DGKB: variants seen among roughly 807,000 people sequenced by gnomAD.
DGKB encodes the protein 90 kDa diacylglycerol kinase.
A neutral mutation model predicts 114.3 loss-of-function variants in DGKB; 67 were observed. The ratio of observed to expected loss-of-function variants is 0.59; its 90% CI spans 0.48 to 0.72. DGKB has a LOEUF of 0.72. DGKB is among the 30% of genes least tolerant of loss of function. The probability of loss-of-function intolerance (pLI) is 0.00; values close to 1 mark genes in which losing one functional copy is unlikely to be tolerated. For missense variants in DGKB, 907 were observed against 975.2 expected, an observed-to-expected ratio of 0.93 and a Z score of 0.93; for synonymous variants, 398 against 323.1, an observed-to-expected ratio of 1.23 and a Z score of -2.49.
chr7:14,383,644 G>T (rs751764935), intron 21 of DGKB, among the ~76,000 whole-genome samples: 6 of 152,156 alleles, frequency 3.9e-5, no homozygotes, highest in South Asian at 2.1e-4. Flanking sequence ...GTAGAATGAA[G>T]AAACTAAGGA....
chr7:14,656,836 T>A (rs1815928186), intron 13 of DGKB, among the ~76,000 whole-genome samples: 1 of 151,518 alleles, frequency 6.6e-6, no homozygotes, highest in Admixed American at 6.6e-5. Flanking sequence ...AGTATACAAC[T>A]CTACCTTATG....
chr7:14,641,823 A>T (rs1811861848), intron 13 of DGKB, among the ~76,000 whole-genome samples: 1 of 152,034 alleles, frequency 6.6e-6, no homozygotes, highest in African/African-American at 2.4e-5. Flanking sequence ...CGTTTTTAAG[A>T]TTTTATAATG....
At chr7:14,366,226 A>G (rs1161155681) in intron 21 of DGKB, among the ~76,000 whole-genome samples, 2 of 152,182 alleles carry the variant, frequency 1.3e-5, no homozygotes, top group African/African-American at 4.8e-5. Context: ...GTGTTTTCAT[A>G]TATCCACATG....
intron 20 of DGKB, among the ~76,000 whole-genome samples, chr7:14,498,626 G>T (rs1032357060): frequency 2.0e-5 from 3 of 151,612 alleles, no homozygotes; most frequent in African/African-American, 7.3e-5. Flanking sequence ...TAATTTAGTT[G>T]ATTTTTTTGC....
intron 1 of DGKB, among the ~76,000 whole-genome samples, chr7:14,882,725 A>G (rs1854427760): frequency 6.6e-6 from 1 of 151,990 alleles, no homozygotes; most frequent in South Asian, 2.1e-4. Context: ...TTTGCTCAAG[A>G]TAATAACCTT....
chr7:14,700,586 T>C (rs1280654394), intron 7 of DGKB, among the ~76,000 whole-genome samples: 1 of 152,190 alleles, frequency 6.6e-6, no homozygotes, highest in East Asian at 1.9e-4. Flanking sequence ...AGAGTGATGG[T>C]CATTTCCTAG....
chr7:14,383,000 G>C (rs1459447353), intron 21 of DGKB, among the ~76,000 whole-genome samples: 1 of 152,184 alleles, frequency 6.6e-6, no homozygotes, highest in Non-Finnish European at 1.5e-5. Flanking sequence ...CCTCATCCCT[G>C]TTCTGACTAA....
intron 16 of DGKB, among the ~76,000 whole-genome samples, chr7:14,608,918 G>T (rs768042868): frequency 2.6e-5 from 4 of 151,856 alleles, no homozygotes; most frequent in Non-Finnish European, 5.9e-5. Context: ...AGAAATCAGA[G>T]GTGACACAAA....
chr7:14,380,840 C>A (rs187894349), intron 21 of DGKB, among the ~76,000 whole-genome samples: 2 of 152,220 alleles, frequency 1.3e-5, no homozygotes, highest in African/African-American at 4.8e-5. Context: ...ACAGACATTG[C>A]GTTAGGCAGA....
At chr7:14,655,650 G>C (rs973660256) in intron 13 of DGKB, among the ~76,000 whole-genome samples, 2 of 151,632 alleles carry the variant, frequency 1.3e-5, no homozygotes, top group Non-Finnish European at 3.0e-5. Context: ...TCCATCAATA[G>C]ATGAGTAGAT....
In DGKB at chr7:14,483,134, A is replaced by G. The variant is rs1301153820; in HGVS notation, c.1771-4909T>C. Among the ~76,000 whole-genome samples, 3 of 149,828 alleles carry G rather than the reference A, an allele frequency of 2.0e-5. No homozygotes were observed. The South Asian group carries it at 6.4e-4, about 32-fold the overall frequency. ...GTAGTGGGCTCAATGGTGCCCCCCA[A>G]AAAGATATCAGATCCTAATAACTGG... On this transcript the variant is annotated intron_variant, in intron 20 of 25. Transcript: ENST00000402815.
intron 25 of DGKB, chr7:14,176,206 G>C (rs561051984): frequency 3.4e-6 from 1 of 291,222 alleles, no homozygotes; most frequent in African/African-American, 2.3e-5. Flanking sequence ...TACACTGTTG[G>C]TCTTGTTCAT....
intron 1 of DGKB, among the ~76,000 whole-genome samples, chr7:14,880,966 T>C (rs1406382192): frequency 6.6e-6 from 1 of 152,186 alleles, no homozygotes; most frequent in Admixed American, 6.5e-5. Flanking sequence ...TCTATTCAAG[T>C]GTCTATTTTA....
At position 14,842,233 on chromosome 7, in the gene DGKB, A is replaced by G. The variant is rs147593790; in HGVS notation, c.-187-783T>C. Among the ~76,000 whole-genome samples the G allele has an allele frequency of 4.9e-3, 749 of 152,346 alleles. 1 individual carries two copies. The highest frequency in any genetic ancestry group is 0.016 in the African/African-American group (684 of 41,578). On this transcript the variant is annotated intron_variant, in intron 1 of 25. Coordinates refer to ENST00000402815, the MANE Select transcript of DGKB (RefSeq NM_001350709.2). The stretch of plus-strand genomic sequence containing the variant: ...TAATCATTGCAAGGTTTATTTATAC[A>G]GATGTCATTACTTAAAGTCACCTTA...
intron 14 of DGKB, among the ~76,000 whole-genome samples, chr7:14,621,780 C>G (rs180935761): frequency 1.3e-5 from 2 of 152,052 alleles, no homozygotes; most frequent in Non-Finnish European, 2.9e-5. Context: ...CTAACGATTA[C>G]TGAAGTTGAT....
chr7:14,577,111 G>T (rs1443045400), intron 19 of DGKB, among the ~76,000 whole-genome samples: 1 of 152,078 alleles, frequency 6.6e-6, no homozygotes, highest in African/African-American at 2.4e-5. Flanking sequence ...AAATATGCCA[G>T]CAAAAGATTT....
At chr7:14,464,034 T>A (rs1369400716) in intron 21 of DGKB, among the ~76,000 whole-genome samples, 1 of 152,054 alleles carries the variant, frequency 6.6e-6, no homozygotes, top group Non-Finnish European at 1.5e-5. Flanking sequence ...CCAAGCTTTT[T>A]TTTTTTTCCC....
intron 21 of DGKB, among the ~76,000 whole-genome samples, chr7:14,348,692 T>C (rs1420833674): frequency 1.3e-5 from 2 of 151,876 alleles, no homozygotes; most frequent in Non-Finnish European, 2.9e-5. Context: ...TTATGAAAAA[T>C]AATAAATTGA....
chr7:14,581,003 C>T (rs555983207), intron 18 of DGKB, 52 bp from the exon 19 acceptor site: 13 of 1,318,536 alleles, frequency 9.9e-6, no homozygotes, highest in Admixed American at 6.1e-5. Flanking sequence ...TCAGATAAAA[C>T]GACGGAAATA....
Sources: gnomAD v4.1 joint callset for allele counts (sites outside exome capture counted in the v4.1 genomes callset) on GRCh38, gnomAD v4.1.1 for gene constraint, MANE v1.5 for transcripts, NCBI Gene and HGNC (gene_info 2026-07-23, HGNC 2026-07-21) for gene names.